Variants in NUP210L observed in about 807,000 individuals in gnomAD.
NUP210L encodes nuclear pore membrane glycoprotein 210-like.
A neutral mutation model predicts 208.5 loss-of-function variants in NUP210L; 74 were observed. The ratio of observed to expected loss-of-function variants is 0.35; its 90% CI spans 0.29 to 0.43. The LOEUF (loss-of-function observed/expected upper bound fraction) is 0.43, where lower values mean the gene tolerates loss of function less well. Among genes scored for constraint, NUP210L ranks in the 20% least tolerant of loss-of-function variants. The probability of loss-of-function intolerance (pLI) is 1.00; values close to 1 mark genes in which losing one functional copy is unlikely to be tolerated. For synonymous variants in NUP210L, 780 were observed against 816.9 expected (o/e 0.95, Z 0.77); for missense variants, 1,843 against 2,289.4 (o/e 0.81, Z 3.98).
intron 33 of NUP210L, among the ~76,000 whole-genome samples, chr1:154,013,226 C>T (rs144206486): frequency 3.8e-4 from 58 of 152,156 alleles, no homozygotes; most frequent in Non-Finnish European, 6.6e-4. Flanking sequence ...AGAAGGAAGT[C>T]TTGGGTCCAA....
At chr1:154,094,870 G>C in intron 15 of NUP210L, 65 bp downstream of exon 15, 1 of 1,183,710 alleles carries the variant, frequency 8.4e-7, no homozygotes, top group South Asian at 1.3e-5. Flanking sequence ...AAAAGGAATG[G>C]CTGGAAGTAC....
chr1:154,101,923 G>A (rs1656492173), intron 13 of NUP210L, among the ~76,000 whole-genome samples: 1 of 152,182 alleles, frequency 6.6e-6, no homozygotes, highest in African/African-American at 2.4e-5. Flanking sequence ...GCCGAGGCAG[G>A]TGGATTACCT....
Position 154,016,090 on chromosome 1 carries a change from G to C in NUP210L, c.4653+2843C>G, listed in dbSNP as rs1651234405. On this transcript the variant is annotated intron_variant, in intron 33 of 39. Coordinates refer to ENST00000368559, the Ensembl canonical transcript of NUP210L. ...GACAACATAGCGAGACCCTGTGTCT[G>C]CAAAAAAATAAAAATAATTAGCCAG... is the stretch of plus-strand genomic sequence containing the variant. Among the ~76,000 whole-genome samples the C allele has an allele frequency of 2.0e-5, 3 of 151,498 alleles. No homozygotes were observed. The South Asian group carries it at 6.2e-4, about 32-fold the overall frequency.
At chr1:154,060,621 T>G (rs1654083527) in exon 20 of NUP210L, 2 of 1,611,558 alleles carry the variant, frequency 1.2e-6, no homozygotes, top group African/African-American at 2.7e-5. Context: ...AACCAGATCC[T>G]TCCACAAGGC....
intron 13 of NUP210L, among the ~76,000 whole-genome samples, chr1:154,102,006 C>T (rs1656497092): frequency 6.6e-6 from 1 of 151,986 alleles, no homozygotes; most frequent in Admixed American, 6.6e-5. Context: ...CAAAAATTAG[C>T]CAGGTGTAGT....
chr1:154,060,440 CT>C lies in NUP210L; in HGVS notation c.2850+99del. 4.2e-6 allele frequency: 3 copies of C among 720,980 alleles called. No homozygotes were observed. In the Admixed American group the frequency reaches 7.9e-5, roughly 19 times the overall value. The allele number at this position is 720,980 out of a possible 1,614,324, so 44.7% of individuals were successfully genotyped here. On this transcript the variant is annotated intron_variant, in intron 20 of 39. Coordinates refer to ENST00000368559, the Ensembl canonical transcript of NUP210L. The stretch of plus-strand genomic sequence containing the variant: ...GTTAAAGAAAGAAAGGAAAATGTTA[CT>C]TCTGTAACAAGTTTTAGACACAAAA...
At chr1:154,001,513 A>C (rs1461487776) in intron 36 of NUP210L, among the ~76,000 whole-genome samples, 1 of 150,758 alleles carries the variant, frequency 6.6e-6, no homozygotes, top group Admixed American at 6.6e-5. Context: ...TACTTTTTTT[A>C]CTCCTTTAGG....
At chr1:154,139,997 G>C in intron 4 of NUP210L, 45 bp from the exon 5 acceptor site, 1 of 1,492,994 alleles carries the variant, frequency 6.7e-7, no homozygotes. Context: ...ATTAAACGAA[G>C]GGTTCTTCCA....
chr1:154,090,035 C>T (rs564057082), intron 15 of NUP210L, among the ~76,000 whole-genome samples: 1 of 152,026 alleles, frequency 6.6e-6, no homozygotes, highest in Admixed American at 6.6e-5. Flanking sequence ...CATGTTCATG[C>T]CATTGCACTT....
At chr1:153,996,461 G>A (rs1321882163) in intron 37 of NUP210L, among the ~76,000 whole-genome samples, 1 of 151,976 alleles carries the variant, frequency 6.6e-6, no homozygotes, top group Non-Finnish European at 1.5e-5. Context: ...AGTCTCTGTT[G>A]CCCAGGCTGG....
chr1:154,097,331 G>A (rs1656226827), intron 14 of NUP210L, among the ~76,000 whole-genome samples: 1 of 152,128 alleles, frequency 6.6e-6, no homozygotes, highest in Non-Finnish European at 1.5e-5. Flanking sequence ...CAGGCAAGGG[G>A]AAAGATACGT....
intron 12 of NUP210L, among the ~76,000 whole-genome samples, chr1:154,113,167 A>AAATAT (rs1553237740): frequency 6.9e-6 from 1 of 144,538 alleles, no homozygotes; most frequent in Non-Finnish European, 1.5e-5. Context: ...TAAAAAAAAA[A>AAATAT]ATATATATAT....
chr1:154,089,093 A>G (rs1367104103), intron 16 of NUP210L, among the ~76,000 whole-genome samples: 3 of 152,184 alleles, frequency 2.0e-5, no homozygotes, highest in Non-Finnish European at 2.9e-5. Context: ...CTGATTATGT[A>G]CTTAAGTATA....
At chr1:154,069,084 A>AT (rs958487656) in intron 17 of NUP210L, among the ~76,000 whole-genome samples, 1 of 152,218 alleles carries the variant, frequency 6.6e-6, no homozygotes, top group Non-Finnish European at 1.5e-5. Context: ...ACCTAAAACC[A>AT]TAAAAACCCT....
intron 10 of NUP210L, 139 bp from the exon 11 acceptor site, chr1:154,118,947 A>C: frequency 2.2e-6 from 1 of 449,088 alleles, no homozygotes; most frequent in Non-Finnish European, 3.9e-6. Flanking sequence ...GAAATAAATA[A>C]ATATTTCTCT....
chr1:154,105,882 T>C (rs1195814175), intron 12 of NUP210L, among the ~76,000 whole-genome samples: 5 of 152,114 alleles, frequency 3.3e-5, no homozygotes, highest in Non-Finnish European at 5.9e-5. Context: ...TGAACATTGG[T>C]AGTAGCTAGT....
chr1:154,093,786 T>A (rs975510310), intron 15 of NUP210L, among the ~76,000 whole-genome samples: 5 of 152,200 alleles, frequency 3.3e-5, no homozygotes, highest in African/African-American at 1.2e-4. Context: ...CAAATCTTTG[T>A]TACTGATTTT....
Position 154,115,588 on chromosome 1 carries a change from G to A in NUP210L, c.1620+2137C>T, listed in dbSNP as rs559257440. Among the ~76,000 whole-genome samples, 7 of 152,192 alleles carry A rather than the reference G, an allele frequency of 4.6e-5. No individual in the cohort carries two copies. In the East Asian group the frequency reaches 1.2e-3, roughly 25 times the overall value. The stretch of plus-strand genomic sequence containing the variant: ...CTTTTACAAACTAATAGCACTTACT[G>A]TACAATTCAAGTAGTTCTCAGTCAT... On this transcript the variant is annotated intron_variant, in intron 12 of 39. Coordinates refer to ENST00000368559, the Ensembl canonical transcript of NUP210L.
chr1:154,057,000 A>AC, intron 22 of NUP210L, 53 bp from the exon 23 acceptor site: 3 of 1,585,376 alleles, frequency 1.9e-6, no homozygotes, highest in Non-Finnish European at 2.6e-6. Flanking sequence ...TTGTTTCAAG[A>AC]CAGGGTCTTA....
Sources: allele counts gnomAD v4.1 joint callset (sites outside exome capture counted in the v4.1 genomes callset), GRCh38; gene constraint gnomAD v4.1.1; transcripts MANE v1.5; gene names NCBI Gene and HGNC (gene_info 2026-07-23, HGNC 2026-07-21).